Variants in ULK4 observed in about 807,000 individuals in gnomAD.
ULK4 encodes inactive serine/threonine-protein kinase ULK4.
In ULK4, 133 loss-of-function variants were observed where a neutral mutation model predicts 160.6. That is an observed-to-expected ratio of 0.83 (90% CI 0.72 to 0.96). The LOEUF (loss-of-function observed/expected upper bound fraction) is 0.96, where lower values mean the gene tolerates loss of function less well. Ranked by LOEUF, ULK4 falls within the 40% of genes least tolerant of loss-of-function variation. ULK4 has a pLI of 0.00. For missense variants in ULK4, 1,580 were observed against 1,499.5 expected (o/e 1.05, Z -0.89); for synonymous variants, 534 against 539.8 (o/e 0.99, Z 0.15).
chr3:41,959,752 A>T (rs1490168386), intron 1 of ULK4, among the ~76,000 whole-genome samples: 1 of 152,024 alleles, frequency 6.6e-6, no homozygotes, highest in African/African-American at 2.4e-5. Flanking sequence ...CCTGGGCAAC[A>T]TGGTGAGATC....
At chr3:41,248,146 G>A (rs1035343796) in intron 36 of ULK4, among the ~76,000 whole-genome samples, 1 of 152,206 alleles carries the variant, frequency 6.6e-6, no homozygotes, top group Admixed American at 6.5e-5. Flanking sequence ...GAGACCCATA[G>A]CGCAGGTGCC....
intron 35 of ULK4, among the ~76,000 whole-genome samples, chr3:41,287,197 G>A (rs1559505465): frequency 2.0e-5 from 3 of 152,130 alleles, no homozygotes; most frequent in Admixed American, 1.3e-4. Context: ...ACAATAAAAA[G>A]GTGAGCTAAG....
intron 33 of ULK4, among the ~76,000 whole-genome samples, chr3:41,459,714 C>T (rs537172318): frequency 6.6e-6 from 1 of 152,200 alleles, no homozygotes; most frequent in East Asian, 1.9e-4. Flanking sequence ...ATATGGAGTA[C>T]AAATATTTCA....
intron 30 of ULK4, among the ~76,000 whole-genome samples, chr3:41,628,904 TTTGA>T (rs1249461906): frequency 1.3e-5 from 2 of 152,226 alleles, no homozygotes; most frequent in Non-Finnish European, 2.9e-5. Flanking sequence ...TTCTGATTTA[TTTGA>T]CTCTTCTCTC....
At chr3:41,420,753 G>A (rs965318307) in intron 34 of ULK4, among the ~76,000 whole-genome samples, 3 of 150,598 alleles carry the variant, frequency 2.0e-5, no homozygotes, top group African/African-American at 4.9e-5. Flanking sequence ...CGAAAATGCT[G>A]GAATTACAGG....
intron 34 of ULK4, among the ~76,000 whole-genome samples, chr3:41,454,039 AG>A (rs2083481735): frequency 2.5e-5 from 1 of 39,354 alleles, no homozygotes; most frequent in Non-Finnish European, 4.4e-5. Flanking sequence ...GGGTGGGGGG[AG>A]GGGGGAGGGA....
chr3:41,463,301 A>G (rs758134686), intron 32 of ULK4, 48 bp from the exon 33 acceptor site: 3 of 1,574,496 alleles, frequency 1.9e-6, no homozygotes, highest in Non-Finnish European at 2.6e-6. Flanking sequence ...TAAGTACACA[A>G]ATGTGTCATA....
intron 32 of ULK4, among the ~76,000 whole-genome samples, chr3:41,513,171 C>G (rs943025804): frequency 6.6e-6 from 1 of 152,134 alleles, no homozygotes; most frequent in African/African-American, 2.4e-5. Context: ...AGACTTAAAT[C>G]TAAGACCTGA....
intron 34 of ULK4, among the ~76,000 whole-genome samples, chr3:41,446,510 A>G (rs1269359236): frequency 6.6e-6 from 1 of 152,082 alleles, no homozygotes; most frequent in Non-Finnish European, 1.5e-5. Context: ...TATTAAGAAA[A>G]TGTGGCACAT....
intron 29 of ULK4, among the ~76,000 whole-genome samples, chr3:41,673,348 T>G (rs563059324): frequency 6.6e-6 from 1 of 152,122 alleles, no homozygotes; most frequent in Non-Finnish European, 1.5e-5. Flanking sequence ...ACGCACGACT[T>G]TTGCTGGACA....
intron 34 of ULK4, among the ~76,000 whole-genome samples, chr3:41,444,708 G>A (rs989311254): frequency 3.3e-5 from 5 of 151,986 alleles, no homozygotes; most frequent in Admixed American, 6.6e-5. Context: ...GGCCAGGCGC[G>A]GTGGCTCACA....
chr3:41,417,774 A>G (rs1233993905), intron 34 of ULK4, among the ~76,000 whole-genome samples: 1 of 152,138 alleles, frequency 6.6e-6, no homozygotes, highest in African/African-American at 2.4e-5. Context: ...GGACAGTCAT[A>G]TGGTCACGTC....
At chr3:41,438,434 T>C (rs2083084957) in intron 34 of ULK4, among the ~76,000 whole-genome samples, 1 of 152,102 alleles carries the variant, frequency 6.6e-6, no homozygotes, top group Non-Finnish European at 1.5e-5. Context: ...GGATGGTGCG[T>C]GAGTTCAAAA....
At chr3:41,618,889 G>A (rs1159319845) in intron 30 of ULK4, among the ~76,000 whole-genome samples, 2 of 151,662 alleles carry the variant, frequency 1.3e-5, no homozygotes, top group Non-Finnish European at 2.9e-5. Flanking sequence ...CATCTCACAT[G>A]CAAAGACAAA....
intron 21 of ULK4, among the ~76,000 whole-genome samples, chr3:41,774,679 T>A (rs2039535438): frequency 6.7e-6 from 1 of 149,832 alleles, no homozygotes; most frequent in Non-Finnish European, 1.5e-5. Flanking sequence ...TCCTCAGGGA[T>A]CTAGAACTAG....
intron 35 of ULK4, among the ~76,000 whole-genome samples, chr3:41,397,630 A>G (rs748912128): frequency 1.6e-4 from 24 of 152,176 alleles, no homozygotes; most frequent in East Asian, 3.9e-4. Flanking sequence ...CAGATTAAAG[A>G]CACATGTCTA....
rs989039182 is a variant in ULK4, at chr3:41,768,415, G to A, written c.2194-13927C>T. On this transcript the variant is annotated intron_variant, in intron 21 of 36. Transcript: ENST00000301831. Reference sequence around the variant, plus strand: ...TGGGGAAAAGAAAAGTGGTAGAAGTGATGCTACATTACCTCCAAGGCTAGG... The same window carrying A: ...TGGGGAAAAGAAAAGTGGTAGAAGTAATGCTACATTACCTCCAAGGCTAGG... Among the ~76,000 whole-genome samples the A allele has an allele frequency of 2.0e-5, 3 of 152,302 alleles. No homozygotes were observed. In the South Asian group the frequency reaches 6.2e-4, roughly 32 times the overall value.
At chr3:41,628,204 A>C (rs1421474397) in intron 30 of ULK4, among the ~76,000 whole-genome samples, 2 of 152,234 alleles carry the variant, frequency 1.3e-5, no homozygotes, top group Non-Finnish European at 2.9e-5. Context: ...ATAACTACAG[A>C]AATCTGAAAG....
intron 30 of ULK4, among the ~76,000 whole-genome samples, chr3:41,625,986 C>A (rs896602375): frequency 1.3e-5 from 2 of 152,156 alleles, no homozygotes; most frequent in African/African-American, 4.8e-5. Context: ...CTAAAATATA[C>A]TGCACTTCCC....
Sources: gnomAD v4.1 joint callset for allele counts (sites outside exome capture counted in the v4.1 genomes callset) on GRCh38, gnomAD v4.1.1 for gene constraint, MANE v1.5 for transcripts, NCBI Gene and HGNC (gene_info 2026-07-23, HGNC 2026-07-21) for gene names.